NPFFR2: variants seen among roughly 807,000 people sequenced by gnomAD.
The protein encoded by NPFFR2 is G-protein coupled receptor 74.
Under a neutral mutation model 13.1 loss-of-function variants are expected in NPFFR2, and 15 were observed. That is an observed-to-expected ratio of 1.15 (90% CI 0.77 to 1.76). The LOEUF is 1.76. Among genes scored for constraint, NPFFR2 ranks in the 40% most tolerant of loss-of-function variants. The pLI is 0.00. For synonymous variants in NPFFR2, 190 were observed against 175.7 expected, an observed-to-expected ratio of 1.08 and a Z score of -0.65; for missense variants, 572 against 503.5, an observed-to-expected ratio of 1.14 and a Z score of -1.30.
chr4:72,072,861 AT>A (rs1190503912), intron 1 of NPFFR2, among the ~76,000 whole-genome samples: 30 of 152,170 alleles, frequency 2.0e-4, no homozygotes, highest in Admixed American at 2.0e-3. Context: ...CAATACTATT[AT>A]CAGCAAATTT....
At chr4:72,106,322 A>C (rs1721417912) in intron 1 of NPFFR2, among the ~76,000 whole-genome samples, 1 of 152,002 alleles carries the variant, frequency 6.6e-6, no homozygotes, top group Non-Finnish European at 1.5e-5. Flanking sequence ...TTTCTGGACA[A>C]AAGATGCATT....
At chr4:72,125,940 T>C (rs569713916) in intron 1 of NPFFR2, among the ~76,000 whole-genome samples, 1 of 152,316 alleles carries the variant, frequency 6.6e-6, no homozygotes, top group South Asian at 2.1e-4. Flanking sequence ...CCATAGGTGG[T>C]AGGAAGTTTA....
At chr4:72,037,039 A>G (rs1719056104) in intron 1 of NPFFR2, among the ~76,000 whole-genome samples, 1 of 152,018 alleles carries the variant, frequency 6.6e-6, no homozygotes, top group African/African-American at 2.4e-5. Context: ...AGCGTTCAGG[A>G]TTTCTCTCAA....
intron 1 of NPFFR2, among the ~76,000 whole-genome samples, chr4:72,114,641 G>A (rs561680477): frequency 1.3e-5 from 2 of 151,994 alleles, no homozygotes; most frequent in East Asian, 3.9e-4. Flanking sequence ...GTAGTAAAAT[G>A]TAAAAGCTTT....
intron 1 of NPFFR2, among the ~76,000 whole-genome samples, chr4:72,098,025 G>A (rs28697570): frequency 0.029 from 4,424 of 152,082 alleles, 174 homozygotes; most frequent in African/African-American, 0.09. Flanking sequence ...TTACATACAA[G>A]TCTTGCTTTT....
rs1722802739 is a variant in NPFFR2, at chr4:72,147,063, A to G, written c.514A>G (p.Ile172Val). 6 of 1,614,148 alleles carry G rather than the reference A, an allele frequency of 3.7e-6. No homozygotes were observed. The highest frequency in any genetic ancestry group is 1.1e-5 in the South Asian group (1 of 91,084). Reference protein sequence around the residue: ...VIIMIIWVLAITIMSPSAVML... With the variant: ...VIIMIIWVLAVTIMSPSAVML... ...TATTATGATCATCTGGGTCCTAGCC[A>G]TCACCATTATGTCTCCATCTGCAGT... Residue 172 changes from isoleucine to valine, a missense_variant, in exon 4 of 4, where the codon ATC (isoleucine) becomes GTC (valine). Physicochemically the swap from Ile to Val is conservative, Grantham distance 29. Transcript: ENST00000308744.
At chr4:72,098,947 A>T (rs956050615) in intron 1 of NPFFR2, among the ~76,000 whole-genome samples, 1 of 152,206 alleles carries the variant, frequency 6.6e-6, no homozygotes, top group African/African-American at 2.4e-5. Context: ...CTGTCTGCCT[A>T]GGAGGAGAAA....
chr4:72,139,732 G>A (rs1406760633), intron 3 of NPFFR2, among the ~76,000 whole-genome samples: 1 of 152,130 alleles, frequency 6.6e-6, no homozygotes, highest in African/African-American at 2.4e-5. Context: ...GATTATCTTG[G>A]CAATGCGGGC....
chr4:72,032,188 C>T lies in NPFFR2; in HGVS notation c.-20C>T. 6.2e-7 allele frequency: 1 copy of T among 1,609,168 alleles called. No homozygotes were observed. Among genetic ancestry groups the T allele is most frequent in the Non-Finnish European group, 8.5e-7 (1 of 1,177,194 alleles). ...ATTCTGGTTCCTGCCGCCGACAGGG[C>T]TCGCCGGGAGAGGTAACAGCATGGG... On this transcript the variant is annotated 5_prime_UTR_variant, in exon 1 of 4. Transcript: ENST00000308744.
intron 1 of NPFFR2, among the ~76,000 whole-genome samples, chr4:72,099,233 A>G (rs1441872520): frequency 6.6e-6 from 1 of 152,148 alleles, no homozygotes; most frequent in Non-Finnish European, 1.5e-5. Flanking sequence ...CTCCTGATAA[A>G]TTGCTGTTTG....
chr4:72,109,189 G>A (rs540911591), intron 1 of NPFFR2, among the ~76,000 whole-genome samples: 12 of 151,942 alleles, frequency 7.9e-5, no homozygotes, highest in Admixed American at 2.6e-4. Context: ...TTCAATATTG[G>A]CCATTAGTCA....
At chr4:72,141,705 G>A (rs901247109) in intron 3 of NPFFR2, among the ~76,000 whole-genome samples, 4 of 152,184 alleles carry the variant, frequency 2.6e-5, no homozygotes, top group Non-Finnish European at 4.4e-5. Flanking sequence ...TGGAGTAAGT[G>A]TGATGTGGTG....
intron 1 of NPFFR2, among the ~76,000 whole-genome samples, chr4:72,076,249 C>G (rs952758127): frequency 2.3e-5 from 1 of 43,750 alleles, no homozygotes. Context: ...CTTATTTGCT[C>G]TATGTCTTGG....
intron 3 of NPFFR2, among the ~76,000 whole-genome samples, chr4:72,144,590 G>A (rs777254058): frequency 6.6e-6 from 1 of 151,880 alleles, no homozygotes; most frequent in Non-Finnish European, 1.5e-5. Flanking sequence ...TTACAGTTAC[G>A]TTCCAAAGCA....
At chr4:72,037,135 T>C (rs1374145460) in intron 1 of NPFFR2, among the ~76,000 whole-genome samples, 1 of 151,918 alleles carries the variant, frequency 6.6e-6, no homozygotes, top group Non-Finnish European at 1.5e-5. Flanking sequence ...CTCATGCCTG[T>C]AATTCCAGCA....
intron 1 of NPFFR2, among the ~76,000 whole-genome samples, chr4:72,080,252 C>T (rs1578441954): frequency 6.6e-6 from 1 of 152,004 alleles, no homozygotes; most frequent in Non-Finnish European, 1.5e-5. Context: ...GCAACCTCCA[C>T]CTCCCGGGTT....
intron 1 of NPFFR2, among the ~76,000 whole-genome samples, chr4:72,045,768 G>C (rs945529686): frequency 6.6e-6 from 1 of 152,006 alleles, no homozygotes; most frequent in Admixed American, 6.6e-5. Flanking sequence ...TAATGGTTGT[G>C]TGGGTACTCA....
intron 1 of NPFFR2, among the ~76,000 whole-genome samples, chr4:72,048,498 C>T (rs1040182331): frequency 7.9e-5 from 12 of 151,962 alleles, no homozygotes; most frequent in Non-Finnish European, 1.2e-4. Flanking sequence ...ACATATATGC[C>T]TGTGTAAAAT....
chr4:72,070,390 G>T (rs945833037), intron 1 of NPFFR2, among the ~76,000 whole-genome samples: 9 of 152,070 alleles, frequency 5.9e-5, no homozygotes, highest in Non-Finnish European at 1.2e-4. Flanking sequence ...ATTCAGGGAG[G>T]TAGAGGAACA....
Sources: gnomAD v4.1 joint callset for allele counts (sites outside exome capture counted in the v4.1 genomes callset) on GRCh38, gnomAD v4.1.1 for gene constraint, MANE v1.5 for transcripts, NCBI Gene and HGNC (gene_info 2026-07-23, HGNC 2026-07-21) for gene names.